IGF1R: variants seen among roughly 807,000 people sequenced by gnomAD.
IGF1R encodes the protein insulin-like growth factor 1 receptor.
A neutral mutation model predicts 144.6 loss-of-function variants in IGF1R; 44 were observed. That is an observed-to-expected ratio of 0.30 (90% confidence interval 0.24 to 0.39). IGF1R has a LOEUF of 0.39. Ranked by LOEUF, IGF1R falls within the 10% of genes least tolerant of loss-of-function variation. The probability of loss-of-function intolerance (pLI) is 1.00; values close to 1 mark genes in which losing one functional copy is unlikely to be tolerated. For missense variants in IGF1R, 1,355 were observed against 1,833.7 expected, an observed-to-expected ratio of 0.74 and a Z score of 4.77; for synonymous variants, 795 against 722.8, an observed-to-expected ratio of 1.10 and a Z score of -1.60.
intron 15 of IGF1R, among the ~76,000 whole-genome samples, chr15:98,931,914 CAGTA>C (rs2015957651): frequency 6.6e-6 from 1 of 152,108 alleles, no homozygotes; most frequent in Non-Finnish European, 1.5e-5. Context: ...AAAAGAAAAT[CAGTA>C]AGGAAGGGAG....
At chr15:98,668,020 AT>A (rs1180575348) in intron 1 of IGF1R, among the ~76,000 whole-genome samples, 2 of 152,086 alleles carry the variant, frequency 1.3e-5, no homozygotes, top group African/African-American at 4.8e-5. Flanking sequence ...CCACAGACTT[AT>A]GTTTCTCACA....
Position 98,922,397 on chromosome 15 carries a change from C to T in IGF1R, c.2451C>T (p.Ala817=). The change falls in exon 11 of 21, where the codon GCC becomes GCT. Residue 817 remains alanine (A), a synonymous_variant. Transcript: ENST00000650285. ...NHEAEKLGCS[A]SNFVFARTMP... The stretch of plus-strand genomic sequence containing the variant: ...AGGCTGAGAAGCTGGGCTGCAGCGC[C>T]TCCAACTTCGTCTTTGCAAGGACTA... 6.2e-7 allele frequency: 1 copy of T among 1,613,604 alleles called. No homozygotes were observed. The highest frequency in any genetic ancestry group is 8.5e-7 in the Non-Finnish European group (1 of 1,180,026).
At chr15:98,899,125 C>T (rs1024783585) in intron 4 of IGF1R, among the ~76,000 whole-genome samples, 2 of 152,196 alleles carry the variant, frequency 1.3e-5, no homozygotes, top group African/African-American at 4.8e-5. Context: ...CTGTGGGGGC[C>T]ATACTGTCTG....
At chr15:98,946,827 G>T (rs1027098015) in intron 19 of IGF1R, among the ~76,000 whole-genome samples, 4 of 152,252 alleles carry the variant, frequency 2.6e-5, no homozygotes, top group Admixed American at 6.5e-5. Flanking sequence ...CAGCCAGGAA[G>T]GGCACGTGGG....
At chr15:98,824,222 G>C (rs760314188) in intron 2 of IGF1R, 3 of 152,118 alleles carry the variant, frequency 2.0e-5, no homozygotes, top group Non-Finnish European at 4.4e-5. Flanking sequence ...ACGGCCACCT[G>C]GTTCCTCTCC....
At chr15:98,912,366 G>C (rs1313899405) in intron 7 of IGF1R, among the ~76,000 whole-genome samples, 2 of 152,328 alleles carry the variant, frequency 1.3e-5, no homozygotes, top group East Asian at 3.9e-4. Context: ...TCCCATGACA[G>C]CAGACGGTGT....
chr15:98,899,750 G>A (rs1486761243), intron 5 of IGF1R, 129 bp downstream of exon 5: 6 of 889,078 alleles, frequency 6.7e-6, no homozygotes, highest in Non-Finnish European at 1.1e-5. Flanking sequence ...CCGCAGTATT[G>A]CCTGTGCTGC....
intron 2 of IGF1R, among the ~76,000 whole-genome samples, chr15:98,833,206 T>C (rs1454864812): frequency 6.6e-6 from 1 of 152,232 alleles, no homozygotes; most frequent in Non-Finnish European, 1.5e-5. Flanking sequence ...TATTGACTCT[T>C]CTGATCTCCC....
chr15:98,813,956 A>G (rs1211036886), intron 2 of IGF1R, among the ~76,000 whole-genome samples: 1 of 152,250 alleles, frequency 6.6e-6, no homozygotes, highest in African/African-American at 2.4e-5. Context: ...AGCTTAATCC[A>G]GTAGAGATGA....
chr15:98,692,127 G>C (rs933870981), intron 1 of IGF1R, among the ~76,000 whole-genome samples: 11 of 152,100 alleles, frequency 7.2e-5, no homozygotes, highest in Non-Finnish European at 1.5e-4. Context: ...CTTGAGCTCA[G>C]GAGTTCAAGA....
At chr15:98,684,108 C>T (rs1361376551) in intron 1 of IGF1R, among the ~76,000 whole-genome samples, 1 of 152,144 alleles carries the variant, frequency 6.6e-6, no homozygotes. Flanking sequence ...CTCAACATGT[C>T]ACAGCTTTAA....
At chr15:98,785,860 T>C (rs368711868) in intron 2 of IGF1R, among the ~76,000 whole-genome samples, 3 of 152,188 alleles carry the variant, frequency 2.0e-5, no homozygotes, top group Non-Finnish European at 4.4e-5. Flanking sequence ...AAATCAGGAA[T>C]GTAGGTATTG....
rs115704098 is a variant in IGF1R, at chr15:98,858,833, T to C, written c.641-32492T>C. Among the ~76,000 whole-genome samples the C allele has an allele frequency of 4.0e-3, 608 of 152,338 alleles. 2 individuals carry two copies. The highest frequency in any genetic ancestry group is 0.014 in the African/African-American group (583 of 41,572). On this transcript the variant is annotated intron_variant, in intron 2 of 20. Coordinates refer to ENST00000650285, the MANE Select transcript of IGF1R (RefSeq NM_000875.5). ...TATTTTTGAACAGCCAAACTTCCTC[T>C]TTCCAAACTTCGTGTGACATCTGGG... is the stretch of plus-strand genomic sequence containing the variant.
intron 2 of IGF1R, among the ~76,000 whole-genome samples, chr15:98,829,021 T>G (rs558754120): frequency 2.6e-5 from 4 of 152,266 alleles, no homozygotes; most frequent in South Asian, 2.1e-4. Flanking sequence ...TTCTAATTCA[T>G]TAAAAAAGTC....
chr15:98,775,429 C>T (rs1187053838), intron 2 of IGF1R, among the ~76,000 whole-genome samples: 3 of 152,146 alleles, frequency 2.0e-5, no homozygotes, highest in African/African-American at 7.2e-5. Flanking sequence ...TCCGTGTTTT[C>T]GAGGCTTCTG....
At chr15:98,718,091 C>T (rs1035453031) in intron 2 of IGF1R, among the ~76,000 whole-genome samples, 42 of 152,302 alleles carry the variant, frequency 2.8e-4, no homozygotes, top group African/African-American at 9.6e-4. Flanking sequence ...GCTCTCTGTC[C>T]TCCCTTAGGT....
intron 2 of IGF1R, among the ~76,000 whole-genome samples, chr15:98,737,542 A>G (rs2084864635): frequency 6.6e-6 from 1 of 152,136 alleles, no homozygotes; most frequent in South Asian, 2.1e-4. Flanking sequence ...CTGTCAAATA[A>G]ATTCTGAATT....
chr15:98,829,126 C>T (rs1188898705), intron 2 of IGF1R, among the ~76,000 whole-genome samples: 2 of 152,118 alleles, frequency 1.3e-5, no homozygotes, highest in Non-Finnish European at 2.9e-5. Flanking sequence ...ATTCAGACTT[C>T]GATTCAAACA....
At chr15:98,710,702 C>T (rs1424361395) in intron 2 of IGF1R, among the ~76,000 whole-genome samples, 3 of 145,320 alleles carry the variant, frequency 2.1e-5, no homozygotes, top group Non-Finnish European at 4.5e-5. Flanking sequence ...GTTTCGCTCT[C>T]ATCACCCAGG....
Sources: allele counts gnomAD v4.1 joint callset (sites outside exome capture counted in the v4.1 genomes callset), GRCh38; gene constraint gnomAD v4.1.1; transcripts MANE v1.5; gene names NCBI Gene and HGNC (gene_info 2026-07-23, HGNC 2026-07-21).